Variants in ACTR3 observed in about 807,000 individuals in gnomAD.
ACTR3 encodes actin related protein 3.
ACTR3 carries 12 observed loss-of-function variants against 56.8 expected under a neutral mutation model. The ratio of observed to expected loss-of-function variants is 0.21; its 90% CI spans 0.14 to 0.34. ACTR3 has a LOEUF of 0.34. Among genes scored for constraint, ACTR3 ranks in the 10% least tolerant of loss-of-function variants. ACTR3 has a pLI of 1.00. For missense variants in ACTR3, 282 were observed against 512.5 expected, an observed-to-expected ratio of 0.55 and a Z score of 4.34; for synonymous variants, 162 against 167.4, an observed-to-expected ratio of 0.97 and a Z score of 0.25.
At chr2:113,952,594 A>G (rs1347057896) in intron 10 of ACTR3, 1 of 152,172 alleles carries the variant, frequency 6.6e-6, no homozygotes, top group Non-Finnish European at 1.5e-5. Context: ...ACTTAAAAGT[A>G]AAGCACAGCA....
chr2:113,923,664 A>G (rs1055446538), intron 3 of ACTR3, among the ~76,000 whole-genome samples: 9 of 148,954 alleles, frequency 6.0e-5, no homozygotes, highest in Non-Finnish European at 8.9e-5. Context: ...TGTTGTTTCT[A>G]TTGTCACTGA....
At chr2:113,955,792 G>A in intron 11 of ACTR3, 86 bp downstream of exon 11, 2 of 1,084,654 alleles carry the variant, frequency 1.8e-6, no homozygotes, top group Non-Finnish European at 2.7e-6. Context: ...TTGTCACCCA[G>A]GCTGGAGTGC....
chr2:113,919,472 T>C (rs183129712), intron 3 of ACTR3, among the ~76,000 whole-genome samples: 1 of 152,348 alleles, frequency 6.6e-6, no homozygotes, highest in East Asian at 1.9e-4. Flanking sequence ...TACATACTCA[T>C]TGGGTCATTT....
chr2:113,945,238 C>G (rs34280871), intron 8 of ACTR3, among the ~76,000 whole-genome samples: 11,186 of 152,176 alleles, frequency 0.074, 459 homozygotes, highest in African/African-American at 0.1. Flanking sequence ...TTTTAAAGGT[C>G]AAATAACACT....
chr2:113,906,929 G>A (rs1679204920), intron 1 of ACTR3, among the ~76,000 whole-genome samples: 1 of 152,026 alleles, frequency 6.6e-6, no homozygotes, highest in Non-Finnish European at 1.5e-5. Context: ...TGGCTATTCA[G>A]GATCCTTTGA....
chr2:113,916,820 T>G (rs894958723), intron 2 of ACTR3, 64 bp from the exon 3 acceptor site: 1 of 1,436,590 alleles, frequency 7.0e-7, no homozygotes, highest in African/African-American at 1.4e-5. Flanking sequence ...GGGAGAAGTG[T>G]AAGGTAAAAG....
chr2:113,916,327 TG>T (rs1367977850), intron 2 of ACTR3, among the ~76,000 whole-genome samples: 1 of 152,192 alleles, frequency 6.6e-6, no homozygotes, highest in Non-Finnish European at 1.5e-5. Context: ...GATATTGTTG[TG>T]GGTTTCACCT....
intron 3 of ACTR3, among the ~76,000 whole-genome samples, chr2:113,919,121 G>A (rs779018428): frequency 6.1e-4 from 93 of 152,040 alleles, no homozygotes; most frequent in Non-Finnish European, 1.2e-3. Context: ...AAAGTAAATT[G>A]TACATACTAT....
chr2:113,916,107 C>T (rs1679400290), intron 2 of ACTR3, among the ~76,000 whole-genome samples: 1 of 152,018 alleles, frequency 6.6e-6, no homozygotes, highest in South Asian at 2.1e-4. Context: ...AAATTTTTTT[C>T]TTCCAGTTAT....
At chr2:113,915,319 C>T (rs926824267) in intron 2 of ACTR3, among the ~76,000 whole-genome samples, 2 of 152,170 alleles carry the variant, frequency 1.3e-5, no homozygotes, top group Non-Finnish European at 2.9e-5. Flanking sequence ...TCACTCCAGT[C>T]ACATGGCTGT....
At position 113,951,731 on chromosome 2, in the gene ACTR3, C is replaced by T. The variant is rs368674517; in HGVS notation, c.963C>T (p.Leu321=). The change falls in exon 10 of 12, where the codon CTC becomes CTT. Residue 321 remains leucine (L), a synonymous_variant. Transcript: ENST00000263238. ...TTTCTCTCCACTAGAATATTGTCCT[C>T]TCTGGAGGTTCAACCATGTTCAGGG... ...VRRPLYKNIV[L]SGGSTMFRDF... 2.5e-6 allele frequency: 4 copies of T among 1,610,266 alleles called. No homozygotes were observed. Among genetic ancestry groups the T allele is most frequent in the Non-Finnish European group, 2.5e-6 (3 of 1,177,434 alleles).
At chr2:113,923,019 T>G (rs1163139912) in intron 3 of ACTR3, among the ~76,000 whole-genome samples, 1 of 152,218 alleles carries the variant, frequency 6.6e-6, no homozygotes, top group Non-Finnish European at 1.5e-5. Context: ...ATGAAGTCAG[T>G]CAGTCGAGAG....
chr2:113,894,831 C>T (rs1678975062), intron 1 of ACTR3, among the ~76,000 whole-genome samples: 1 of 152,098 alleles, frequency 6.6e-6, no homozygotes, highest in Admixed American at 6.5e-5. Flanking sequence ...GCAGGTGGTT[C>T]GATCTGCTAT....
chr2:113,934,019 C>T (rs1679774994), intron 5 of ACTR3: 1 of 384,140 alleles, frequency 2.6e-6, no homozygotes, highest in Non-Finnish European at 4.7e-6. Flanking sequence ...ACAGAAATAG[C>T]CTTTATAAAA....
At chr2:113,946,606 C>A (rs1382233291) in intron 8 of ACTR3, among the ~76,000 whole-genome samples, 5 of 151,612 alleles carry the variant, frequency 3.3e-5, no homozygotes, top group Non-Finnish European at 7.4e-5. Context: ...GGATATTAGA[C>A]CTTTGTCAGA....
At chr2:113,948,410 A>G (rs1680060198) in intron 8 of ACTR3, among the ~76,000 whole-genome samples, 1 of 152,116 alleles carries the variant, frequency 6.6e-6, no homozygotes, top group South Asian at 2.1e-4. Flanking sequence ...TTGCCCTCCC[A>G]AAGCGCTGGG....
chr2:113,938,750 A>G (rs1164522731), intron 6 of ACTR3, among the ~76,000 whole-genome samples: 5 of 151,880 alleles, frequency 3.3e-5, no homozygotes, highest in African/African-American at 1.2e-4. Flanking sequence ...TTAAGGAGGT[A>G]CTCTCTTCAC....
chr2:113,905,923 C>CAA (rs1679183492), intron 1 of ACTR3, among the ~76,000 whole-genome samples: 1 of 152,170 alleles, frequency 6.6e-6, no homozygotes, highest in Non-Finnish European at 1.5e-5. Flanking sequence ...GTTGCTTCCA[C>CAA]CTTTTAGCTA....
Position 113,946,389 on chromosome 2 carries a change from T to C in ACTR3, c.858+4030T>C, listed in dbSNP as rs547785596. Among the ~76,000 whole-genome samples, 187 of 152,230 alleles carry C rather than the reference T, an allele frequency of 1.2e-3. 1 individual carries two copies. The highest frequency in any genetic ancestry group is 4.4e-3 in the African/African-American group (181 of 41,582). ...TGGTGTGAGAATATTTTTTGAGTTT[T>C]TAATAATAGCCATTCTGACTGGTAT... On this transcript the variant is annotated intron_variant, in intron 8 of 11. Transcript: ENST00000263238.
Sources: gnomAD v4.1 joint callset for allele counts (sites outside exome capture counted in the v4.1 genomes callset) on GRCh38, gnomAD v4.1.1 for gene constraint, MANE v1.5 for transcripts, NCBI Gene and HGNC (gene_info 2026-07-23, HGNC 2026-07-21) for gene names.